Variants in C12orf42 observed in about 807,000 individuals in gnomAD.
C12orf42 encodes the protein chromosome 12 open reading frame 42, also known as uncharacterized protein C12orf42.
Under a neutral mutation model 21.6 loss-of-function variants are expected in C12orf42, and 25 were observed. That is an observed-to-expected ratio of 1.16 (90% CI 0.84 to 1.62). The LOEUF is 1.62. Ranked by LOEUF, C12orf42 falls within the 40% of genes most tolerant of loss-of-function variation. The pLI, the probability that C12orf42 is intolerant of heterozygous loss-of-function variation, is 0.00. For missense variants in C12orf42, 483 were observed against 459.3 expected (o/e 1.05, Z -0.47); for synonymous variants, 174 against 175.0 (o/e 0.99, Z 0.05).
intron 4 of C12orf42, among the ~76,000 whole-genome samples, chr12:103,278,171 T>C (rs750971716): frequency 7.9e-5 from 12 of 152,178 alleles, no homozygotes; most frequent in Middle Eastern, 3.4e-3. Context: ...GGTACTCAAA[T>C]AACAAATATG....
At chr12:103,108,915 A>G in the C12orf42 span, among the ~76,000 whole-genome samples, 11 of 152,314 alleles carry the variant, frequency 7.2e-5, no homozygotes, top group African/African-American at 2.6e-4. Flanking sequence ...GCTCCTATCG[A>G]TAAAATTATA....
intron 5 of C12orf42, among the ~76,000 whole-genome samples, chr12:103,305,134 GT>G (rs2038142235): frequency 6.6e-6 from 1 of 152,156 alleles, no homozygotes; most frequent in African/African-American, 2.4e-5. Context: ...TTTGCAGAAA[GT>G]TTACGAATTT....
intron 2 of C12orf42, among the ~76,000 whole-genome samples, chr12:103,445,216 T>A (rs375589639): frequency 2.0e-5 from 3 of 152,070 alleles, no homozygotes; most frequent in African/African-American, 7.2e-5. Context: ...CAGAATTGAA[T>A]TGGAGGAAAC....
At chr12:103,374,156 A>G (rs1230970387) in intron 3 of C12orf42, among the ~76,000 whole-genome samples, 2 of 152,064 alleles carry the variant, frequency 1.3e-5, no homozygotes, top group Non-Finnish European at 2.9e-5. Context: ...GAATGCTGCA[A>G]CCTCTATTAC....
intron 2 of C12orf42, among the ~76,000 whole-genome samples, chr12:103,404,324 T>A (rs7959115): frequency 0.84 from 127,493 of 152,172 alleles, 53,448 homozygotes; most frequent in Admixed American, 0.88. Flanking sequence ...TAAACAAAAA[T>A]GCTATTGTAA....
the C12orf42 span, among the ~76,000 whole-genome samples, chr12:103,540,469 G>A: frequency 1.3e-5 from 2 of 152,128 alleles, no homozygotes; most frequent in Non-Finnish European, 2.9e-5. Flanking sequence ...TGTGCATTTT[G>A]AGGGTATGTT....
the C12orf42 span, among the ~76,000 whole-genome samples, chr12:103,077,081 A>C: frequency 1.3e-5 from 2 of 152,196 alleles, no homozygotes; most frequent in South Asian, 2.1e-4. Flanking sequence ...TTTGTTCTAG[A>C]CCCATTTTCT....
the C12orf42 span, among the ~76,000 whole-genome samples, chr12:103,117,467 A>G: frequency 6.5e-3 from 995 of 152,268 alleles, 4 homozygotes; most frequent in Middle Eastern, 0.017. Context: ...TTTGCACTTA[A>G]TTTTGTTTAA....
At chr12:103,515,080 CAAAG>C in the C12orf42 span, among the ~76,000 whole-genome samples, 17 of 152,144 alleles carry the variant, frequency 1.1e-4, no homozygotes, top group Non-Finnish European at 2.1e-4. Flanking sequence ...CCCCACACAA[CAAAG>C]AATTATCCAG....
the C12orf42 span, among the ~76,000 whole-genome samples, chr12:103,522,186 C>T: frequency 2.6e-4 from 39 of 152,286 alleles, no homozygotes; most frequent in Non-Finnish European, 4.3e-4. Context: ...ATAAGTCTCA[C>T]GAGATCTGAT....
At chr12:103,374,760 T>C (rs1270730188) in intron 3 of C12orf42, among the ~76,000 whole-genome samples, 3 of 152,178 alleles carry the variant, frequency 2.0e-5, no homozygotes, top group Non-Finnish European at 4.4e-5. Context: ...GGGCTGCATG[T>C]GGCCCATGCT....
chr12:103,136,719 C>G, the C12orf42 span, among the ~76,000 whole-genome samples: 1 of 152,132 alleles, frequency 6.6e-6, no homozygotes, highest in African/African-American at 2.4e-5. Flanking sequence ...AATCCAGAAA[C>G]AAATCCATAT....
chr12:103,060,870 C>T, the C12orf42 span, among the ~76,000 whole-genome samples: 1 of 152,060 alleles, frequency 6.6e-6, no homozygotes, highest in Non-Finnish European at 1.5e-5. Flanking sequence ...CATAAAAACC[C>T]CAGAAAAAAA....
At chr12:103,099,895 T>C in the C12orf42 span, among the ~76,000 whole-genome samples, 1 of 152,366 alleles carries the variant, frequency 6.6e-6, no homozygotes, top group South Asian at 2.1e-4. Context: ...CATGCATCTC[T>C]TGAGTAGATA....
chr12:103,322,907 A>G lies in C12orf42; in HGVS notation c.260-16562T>C, dbSNP rs142209003. ...TTAGTGAATTCAAAAAACAAAAGTA[A>G]CAATGACAATGCCCCAGGTAACAAT... is the stretch of plus-strand genomic sequence containing the variant. On this transcript the variant is annotated intron_variant, in intron 4 of 5. Transcript: ENST00000548883. Among the ~76,000 whole-genome samples the G allele has an allele frequency of 3.1e-4, 47 of 152,338 alleles. No individual in the cohort carries two copies. In the East Asian group the frequency reaches 6.2e-3, roughly 20 times the overall value.
chr12:103,088,426 C>T, the C12orf42 span, among the ~76,000 whole-genome samples: 1 of 152,178 alleles, frequency 6.6e-6, no homozygotes, highest in Admixed American at 6.5e-5. Context: ...ATTTTTGTCT[C>T]TGAGATCTTT....
the C12orf42 span, among the ~76,000 whole-genome samples, chr12:103,210,654 T>C: frequency 6.7e-6 from 1 of 150,068 alleles, no homozygotes; most frequent in African/African-American, 2.4e-5. Context: ...TTTTTTTTTT[T>C]TTTTTGCTTT....
chr12:103,203,915 AT>A, the C12orf42 span, among the ~76,000 whole-genome samples: 1 of 152,182 alleles, frequency 6.6e-6, no homozygotes, highest in Non-Finnish European at 1.5e-5. Context: ...GCAGAAATTT[AT>A]TTTTGATAGG....
At chr12:103,369,146 A>G in intron 3 of C12orf42, 148 bp from the exon 4 acceptor site, 2 of 555,176 alleles carry the variant, frequency 3.6e-6, no homozygotes, top group Non-Finnish European at 6.5e-6. Flanking sequence ...AACAATCCTG[A>G]AAACAATCAC....
Sources: allele counts gnomAD v4.1 joint callset (sites outside exome capture counted in the v4.1 genomes callset), GRCh38; gene constraint gnomAD v4.1.1; transcripts MANE v1.5; gene names NCBI Gene and HGNC (gene_info 2026-07-23, HGNC 2026-07-21).